Variants in KRI1 observed in about 807,000 individuals in gnomAD.
KRI1 encodes KRI1 homolog.
A neutral mutation model predicts 97.0 loss-of-function variants in KRI1; 83 were observed. The observed-to-expected ratio is 0.86, with a 90% confidence interval of 0.72 to 1.03. The LOEUF (loss-of-function observed/expected upper bound fraction) is 1.03, where lower values mean the gene tolerates loss of function less well. KRI1 is among the 50% of genes least tolerant of loss of function. The pLI is 0.00. For missense variants in KRI1, 916 were observed against 928.4 expected (o/e 0.99, Z 0.17); for synonymous variants, 371 against 363.5 (o/e 1.02, Z -0.23).
chr19:10,565,812 C>CCG, intron 1 of KRI1, 22 bp from the exon 2 acceptor site: 2 of 1,276,478 alleles, frequency 1.6e-6, no homozygotes, highest in Admixed American at 2.5e-5. Flanking sequence ...AGACGGGATG[C>CCG]CCCCCCCCAG....
Position 10,555,163 on chromosome 19 carries a change from C to A in KRI1, c.1705G>T (p.Asp569Tyr). 1.2e-6 allele frequency: 2 copies of A among 1,614,216 alleles called. No homozygotes were observed. Among genetic ancestry groups the A allele is most frequent in the Non-Finnish European group, 1.7e-6 (2 of 1,180,042 alleles). The change falls in exon 18 of 19, where the codon GAC becomes TAC. Residue 569 changes from aspartate to tyrosine, a missense_variant. Physicochemically the swap from Asp to Tyr is radical, Grantham distance 160 (BLOSUM62 -3). This residue lies in a region of KRI1 where 672 missense variants were observed against 667.2 expected (regional missense o/e 1.01). Coordinates refer to ENST00000312962, the MANE Select transcript of KRI1 (RefSeq NM_023008.5). ...MYRSEQEELRDKRAYSQKAQN... is the reference protein window; with the variant it reads ...MYRSEQEELRYKRAYSQKAQN... Reference sequence around the variant, plus strand: ...GCCTTCTGGCTGTACGCCCGCTTGTCCCGCAGCTCCTCCTGCTCTGACCTG... The same window carrying A: ...GCCTTCTGGCTGTACGCCCGCTTGTACCGCAGCTCCTCCTGCTCTGACCTG...
chr19:10,555,329 C>T lies in KRI1; in HGVS notation c.1638G>A (p.Lys546=). 6.2e-7 allele frequency: 1 copy of T among 1,613,052 alleles called. No individual in the cohort carries two copies. Among genetic ancestry groups the T allele is most frequent in the Non-Finnish European group, 8.5e-7 (1 of 1,179,752 alleles). ...STEEILAADD[K]ELNRWCSLKK... is the part of the protein sequence containing the mutation. The stretch of plus-strand genomic sequence containing the variant: ...TTAGGGAGCACCACCGGTTCAGCTC[C>T]TTATCGTCAGCAGCGAGGATCTGCG... Residue 546 remains lysine (K), a synonymous_variant, in exon 17 of 19, where the codon AAG becomes AAA. Coordinates refer to ENST00000312962, the MANE Select transcript of KRI1 (RefSeq NM_023008.5).
intron 16 of KRI1, among the ~76,000 whole-genome samples, chr19:10,556,529 T>C (rs1299793406): frequency 6.6e-6 from 1 of 152,090 alleles, no homozygotes; most frequent in Non-Finnish European, 1.5e-5. Flanking sequence ...TAATTGGGCA[T>C]GATGGCACAT....
chr19:10,554,999 G>T (rs1916452620), intron 18 of KRI1, 88 bp downstream of exon 18: 2 of 1,102,786 alleles, frequency 1.8e-6, no homozygotes, highest in African/African-American at 1.6e-5. Flanking sequence ...CATTCCCAAA[G>T]TCATGCAACA....
chr19:10,556,592 G>A (rs910597407), intron 16 of KRI1, among the ~76,000 whole-genome samples: 1 of 150,644 alleles, frequency 6.6e-6, no homozygotes, highest in Admixed American at 6.6e-5. Flanking sequence ...ATTTGAACCT[G>A]GGAGGCGGAG....
At chr19:10,562,877 C>G in intron 3 of KRI1, 40 bp from the exon 4 acceptor site, 1 of 1,267,808 alleles carries the variant, frequency 7.9e-7, no homozygotes, top group African/African-American at 1.5e-5. Flanking sequence ...ACCCACAACC[C>G]CCTTCTTTGC....
In KRI1 at chr19:10,561,769, A is replaced by G. The variant is rs1394433814; in HGVS notation, c.438+22T>C. 3.1e-6 allele frequency: 5 copies of G among 1,609,040 alleles called. No individual in the cohort carries two copies. In the East Asian group the frequency reaches 1.1e-4, roughly 36 times the overall value. On this transcript the variant is annotated intron_variant, in intron 5 of 18. Coordinates refer to ENST00000312962, the MANE Select transcript of KRI1 (RefSeq NM_023008.5). ...CAGCCCCAGGCCCCTCAGCCCCCCG[A>G]CCCAGCCTTCACCCCACCCACCTGG...
In KRI1 at chr19:10,555,131, G is replaced by C. The variant is rs774809000; in HGVS notation, c.1737C>G (p.Asn579Lys). 1 of 1,614,228 alleles carries C rather than the reference G, an allele frequency of 6.2e-7. No individual in the cohort carries two copies. Among genetic ancestry groups the C allele is most frequent in the South Asian group, 1.1e-5 (1 of 91,090 alleles). The stretch of plus-strand genomic sequence containing the variant: ...TGAAGACCTGCCGCTTTTTCCATGA[G>C]TTCTGGGCCTTCTGGCTGTACGCCC... The part of the protein sequence containing the change: ...DKRAYSQKAQ[N>K]SWKKRQVFKS... The change falls in exon 18 of 19, where the codon AAC becomes AAG. Residue 579 changes from asparagine (N) to lysine (K), a missense_variant. Asn to Lys is a moderately conservative substitution (Grantham distance 94). Around this residue, in one of 3 missense-constraint regions of KRI1, gnomAD observed 672 missense variants for 667.2 expected, o/e 1.01. Transcript: ENST00000312962.
In KRI1 at chr19:10,553,399, A is replaced by G. The variant is rs1916373581; in HGVS notation, c.*552T>C. ...GGGGGAACTGTGGCTGCTGGGGGCC[A>G]ATAAAGCTGTGTAACTTGATCGTGG... On this transcript the variant is annotated 3_prime_UTR_variant, in exon 19 of 19. Coordinates refer to ENST00000312962, the MANE Select transcript of KRI1 (RefSeq NM_023008.5). 3.9e-6 allele frequency: 1 copy of G among 259,676 alleles called. No individual in the cohort carries two copies. Among genetic ancestry groups the G allele is most frequent in the African/African-American group, 2.2e-5 (1 of 45,896 alleles). 16.1% of individuals were successfully genotyped at this position (259,676 alleles called of 1,614,324 possible).
At chr19:10,556,561 G>A (rs771017856) in intron 16 of KRI1, among the ~76,000 whole-genome samples, 1 of 152,058 alleles carries the variant, frequency 6.6e-6, no homozygotes, top group Non-Finnish European at 1.5e-5. Flanking sequence ...CAGCTACTTG[G>A]GAGGCTAAGG....
Position 10,559,861 on chromosome 19 carries a change from C to T in KRI1, c.876G>A (p.Glu292=), listed in dbSNP as rs747114850. The change falls in exon 10 of 19, where the codon GAG becomes GAA. Residue 292 remains glutamate, a synonymous_variant. Transcript: ENST00000312962. ...GGAAATTGTACTTCTGTTCAAAGTC[C>T]TCCTGTTTCTTCAGAAACAGCTCCC... ...DEGELFLKKQ[E]DFEQKYNFRF... 3 of 1,613,812 alleles carry T rather than the reference C, an allele frequency of 1.9e-6. No individual in the cohort carries two copies. Among genetic ancestry groups the T allele is most frequent in the South Asian group, 1.1e-5 (1 of 91,086 alleles).
Position 10,553,322 on chromosome 19 carries a change from G to A in KRI1, c.*629C>T, listed in dbSNP as rs995453240. On this transcript the variant is annotated 3_prime_UTR_variant, in exon 19 of 19. Coordinates refer to ENST00000312962, the MANE Select transcript of KRI1 (RefSeq NM_023008.5). Reference sequence around the variant, plus strand: ...GCACCCCCCTCAGGGCCTGACTCACGTACTGTAGTTTGCACTGGACGCCCG... The same window carrying A: ...GCACCCCCCTCAGGGCCTGACTCACATACTGTAGTTTGCACTGGACGCCCG... 6.0e-5 allele frequency: 28 copies of A among 465,468 alleles called. No individual in the cohort carries two copies. The highest frequency in any genetic ancestry group is 5.9e-4 in the Middle Eastern group (1 of 1,708). 28.8% of individuals were successfully genotyped at this position (465,468 alleles called of 1,614,324 possible).
rs1202991375 is a variant in KRI1 at position 10,559,835 on chromosome 19, C to T, written c.902G>A (p.Arg301His). The T allele has an allele frequency of 2.3e-5, 37 of 1,613,778 alleles. No individual in the cohort carries two copies. Among genetic ancestry groups the T allele is most frequent in the Admixed American group, 3.3e-5 (2 of 59,994 alleles). ...CGATGCTGAGTCCGGCTCCTCGAAA[C>T]GGAAATTGTACTTCTGTTCAAAGTC... ...QEDFEQKYNF[R>H]FEEPDSASVK... Residue 301 changes from arginine (R) to histidine (H), a missense_variant, in exon 10 of 19, where the codon CGT becomes CAT. By Grantham distance (29) the Arg-to-His change is conservative. Around this residue, in one of 3 missense-constraint regions of KRI1, gnomAD observed 672 missense variants for 667.2 expected, o/e 1.01. Transcript: ENST00000312962.
chr19:10,561,349 G>A (rs1599535063), intron 6 of KRI1, 84 bp from the exon 7 acceptor site: 3 of 1,272,824 alleles, frequency 2.4e-6, no homozygotes, highest in Non-Finnish European at 3.4e-6. Context: ...TTGTAGAGCT[G>A]GGGTCTCACT....
Position 10,553,113 on chromosome 19 carries a change from T to G in KRI1, c.*838A>C. On this transcript the variant is annotated 3_prime_UTR_variant, in exon 19 of 19. Coordinates refer to ENST00000312962, the MANE Select transcript of KRI1 (RefSeq NM_023008.5). ...GATACAACACTATTTATTTTTTTAT[T>G]TATGTCATGTCGGGTGTGGGATCTT... is the stretch of plus-strand genomic sequence containing the variant. 1 of 1,528,460 alleles carries G rather than the reference T, an allele frequency of 6.5e-7. No individual in the cohort carries two copies. The allele number at this position is 1,528,460 out of a possible 1,614,324, so 94.7% of individuals were successfully genotyped here. A position where few individuals can be genotyped will look rare whatever the true frequency, so the allele number is the denominator to read the frequency against.
chr19:10,555,236 C>CCCGCCCTGCCCGCAGTGCACCTGGCT (rs6146467), intron 17 of KRI1, 49 bp downstream of exon 17: 18 of 1,604,912 alleles, frequency 1.1e-5, no homozygotes, highest in African/African-American at 2.7e-5. Context: ...CCCGAGGCTG[C>CCCGCCCTGCCCGCAGTGCACCTGGCT]CCGCCCTGCC....
At position 10,557,757 on chromosome 19, in the gene KRI1, C is replaced by A; in HGVS notation, c.1486+12G>T. ...CCCCTGCCTACCCACGGCCTGCCCACCTGGGCCTCACCGGGTTCAAACACG... is the reference window on the plus strand; with the variant it reads ...CCCCTGCCTACCCACGGCCTGCCCAACTGGGCCTCACCGGGTTCAAACACG... On this transcript the variant is annotated intron_variant, in intron 15 of 18. Transcript: ENST00000312962. 1 of 1,613,524 alleles carries A rather than the reference C, an allele frequency of 6.2e-7. No individual in the cohort carries two copies. Among genetic ancestry groups the A allele is most frequent in the Non-Finnish European group, 8.5e-7 (1 of 1,179,742 alleles).
At chr19:10,560,074 T>C in intron 9 of KRI1, 138 bp from the exon 10 acceptor site, 1 of 1,254,928 alleles carries the variant, frequency 8.0e-7, no homozygotes, top group Non-Finnish European at 1.1e-6. Flanking sequence ...GCTATTGTCC[T>C]CATTTTACAG....
Position 10,553,171 on chromosome 19 carries a change from G to T in KRI1, c.*780C>A. 2 of 1,380,780 alleles carry T rather than the reference G, an allele frequency of 1.4e-6. No individual in the cohort carries two copies. The highest frequency in any genetic ancestry group is 2.9e-5 in the South Asian group (2 of 70,004). 85.5% of individuals were successfully genotyped at this position (1,380,780 alleles called of 1,614,324 possible). ...GGCAGTGATGATGGTACTTCCTGTT[G>T]TCAGCCCCTCAAGCCCAGCTGCAAC... is the stretch of plus-strand genomic sequence containing the variant. On this transcript the variant is annotated 3_prime_UTR_variant, in exon 19 of 19. Coordinates refer to ENST00000312962, the MANE Select transcript of KRI1 (RefSeq NM_023008.5).
Sources: allele counts gnomAD v4.1 joint callset (sites outside exome capture counted in the v4.1 genomes callset), GRCh38; gene constraint gnomAD v4.1.1; regional missense constraint gnomAD v4.1.1; transcripts MANE v1.5; gene names NCBI Gene and HGNC (gene_info 2026-07-23, HGNC 2026-07-21).